The following TRAPPC13 variants were observed in gnomAD, a reference collection of about 807,000 sequenced individuals.
TRAPPC13 encodes the protein trafficking protein particle complex subunit 13, also known as REV7-interacting novel NHEJ regulator 1.
TRAPPC13 carries 39 observed loss-of-function variants against 54.0 expected under a neutral mutation model. The observed-to-expected ratio is 0.72, with a 90% CI of 0.56 to 0.94. The LOEUF (loss-of-function observed/expected upper bound fraction) is 0.94. Ranked by LOEUF, TRAPPC13 falls within the 40% of genes least tolerant of loss-of-function variation. The pLI is 0.00. For synonymous variants in TRAPPC13, 148 were observed against 167.7 expected (o/e 0.88, Z 0.91); for missense variants, 386 against 488.1 (o/e 0.79, Z 1.97).
In TRAPPC13 at chr5:65,652,487, C is replaced by T. The variant is rs779534399; in HGVS notation, c.502-14C>T. The T allele has an allele frequency of 3.2e-6, 5 of 1,582,188 alleles. No homozygotes were observed. The South Asian group carries it at 5.6e-5, about 18-fold the overall frequency. On this transcript the variant is annotated splice_polypyrimidine_tract_variant and intron_variant, in intron 6 of 12. Coordinates refer to ENST00000399438, the MANE Select transcript of TRAPPC13 (RefSeq NM_024941.4). ...TGATAACAATCTCCTGATTGATATG[C>T]TTTATTTAACCAGGTTCTCAAACCA... is the stretch of plus-strand genomic sequence containing the variant.
At chr5:65,642,524 A>G (rs1388367591) in intron 4 of TRAPPC13, among the ~76,000 whole-genome samples, 4 of 151,722 alleles carry the variant, frequency 2.6e-5, no homozygotes, top group Non-Finnish European at 5.9e-5. Context: ...GCTTCTGTTT[A>G]TTTACTTTAT....
Position 65,625,044 on chromosome 5 carries a change from C to T in TRAPPC13, c.-17C>T. The T allele has an allele frequency of 6.8e-6, 11 of 1,612,654 alleles. No individual in the cohort carries two copies. The highest frequency in any genetic ancestry group is 2.2e-5 in the East Asian group (1 of 44,880). ...TGTCCAGCCCCCGTAGGCTGTGGGT[C>T]AAAAGTGCCGGTCAAAATGGAAGTG... On this transcript the variant is annotated 5_prime_UTR_variant, in exon 1 of 13. Transcript: ENST00000399438.
chr5:65,663,706 AT>A (rs1756920197), intron 11 of TRAPPC13: 1 of 152,336 alleles, frequency 6.6e-6, no homozygotes, highest in Non-Finnish European at 1.5e-5. Context: ...GATATCTATT[AT>A]AAGCAGAAGT....
chr5:65,635,675 CT>C (rs1181608542), intron 2 of TRAPPC13, among the ~76,000 whole-genome samples: 2 of 150,224 alleles, frequency 1.3e-5, no homozygotes, highest in Admixed American at 6.6e-5. Context: ...TTAGCATTCC[CT>C]TTTTTTTTTA....
intron 6 of TRAPPC13, among the ~76,000 whole-genome samples, 200 bp downstream of exon 6, chr5:65,651,082 A>T (rs905128383): frequency 2.6e-5 from 4 of 152,214 alleles, no homozygotes; most frequent in African/African-American, 9.6e-5. Flanking sequence ...CATTGCCAAC[A>T]TGTTTTTGTA....
At chr5:65,663,007 C>T (rs545617756) in intron 11 of TRAPPC13, 2 of 152,208 alleles carry the variant, frequency 1.3e-5, no homozygotes, top group South Asian at 2.1e-4. Flanking sequence ...TAGTCTCTTT[C>T]TCACTGGACT....
intron 8 of TRAPPC13, among the ~76,000 whole-genome samples, chr5:65,656,341 A>T (rs1404035704): frequency 1.3e-5 from 2 of 152,044 alleles, no homozygotes; most frequent in African/African-American, 2.4e-5. Context: ...TTTATGCAGA[A>T]AATTGCAGTT....
chr5:65,639,664 T>C (rs1755892731), intron 4 of TRAPPC13, among the ~76,000 whole-genome samples: 1 of 152,122 alleles, frequency 6.6e-6, no homozygotes, highest in Non-Finnish European at 1.5e-5. Flanking sequence ...TGAAAAAAAT[T>C]AAATAAAAAA....
intron 5 of TRAPPC13, among the ~76,000 whole-genome samples, chr5:65,649,541 C>G (rs1430061135): frequency 6.6e-6 from 1 of 152,084 alleles, no homozygotes; most frequent in Non-Finnish European, 1.5e-5. Flanking sequence ...AAAATATTAC[C>G]TCATTATTTT....
At chr5:65,629,153 T>G (rs1406277371) in intron 1 of TRAPPC13, among the ~76,000 whole-genome samples, 1 of 152,220 alleles carries the variant, frequency 6.6e-6, no homozygotes, top group Non-Finnish European at 1.5e-5. Context: ...TTGTTTCTGC[T>G]AAAGTTTTAA....
intron 4 of TRAPPC13, among the ~76,000 whole-genome samples, chr5:65,638,940 C>T (rs1240183941): frequency 6.6e-6 from 1 of 152,098 alleles, no homozygotes; most frequent in Non-Finnish European, 1.5e-5. Context: ...AGAAATTAGC[C>T]AGGAGTGGTG....
In TRAPPC13 at chr5:65,627,794, T is replaced by G. The variant is rs185843019; in HGVS notation, c.46+2688T>G. On this transcript the variant is annotated intron_variant, in intron 1 of 12. Coordinates refer to ENST00000399438, the MANE Select transcript of TRAPPC13 (RefSeq NM_024941.4). ...TATATGATAACATTTAGATCCATAT[T>G]TAAAATATGGATGTTAAAGATCACA... Among the ~76,000 whole-genome samples, 362 of 152,336 alleles carry G rather than the reference T, an allele frequency of 2.4e-3. 2 individuals carry two copies. Among genetic ancestry groups the G allele is most frequent in the African/African-American group, 8.4e-3 (348 of 41,576 alleles).
chr5:65,664,803 AT>A lies in TRAPPC13; in HGVS notation c.*193del. The A allele has an allele frequency of 1.7e-6, 1 of 581,984 alleles. No individual in the cohort carries two copies. 36.1% of individuals were successfully genotyped at this position (581,984 alleles called of 1,614,324 possible). A position where few individuals can be genotyped will look rare whatever the true frequency, so the allele number is the denominator to read the frequency against. On this transcript the variant is annotated 3_prime_UTR_variant, in exon 13 of 13. Coordinates refer to ENST00000399438, the MANE Select transcript of TRAPPC13 (RefSeq NM_024941.4). Reference sequence around the variant, plus strand: ...CTTGTAATTTATATTTGAAATGAACATGTGTATATTTTCTACACCTATTATT... The same window carrying A: ...CTTGTAATTTATATTTGAAATGAACAGTGTATATTTTCTACACCTATTATT...
chr5:65,660,689 C>A lies in TRAPPC13; in HGVS notation c.699-10C>A, dbSNP rs1299660101. ...AGAATTTTCTCCGTCTCTGTCTCCACCCCTCTCAGTGTGTCTACGTTTGGG... is the reference window on the plus strand; with the variant it reads ...AGAATTTTCTCCGTCTCTGTCTCCAACCCTCTCAGTGTGTCTACGTTTGGG... On this transcript the variant is annotated splice_polypyrimidine_tract_variant and intron_variant, in intron 9 of 12. Coordinates refer to ENST00000399438, the MANE Select transcript of TRAPPC13 (RefSeq NM_024941.4). The A allele has an allele frequency of 6.4e-7, 1 of 1,568,840 alleles. No homozygotes were observed. Among genetic ancestry groups the A allele is most frequent in the Non-Finnish European group, 8.6e-7 (1 of 1,159,420 alleles).
intron 4 of TRAPPC13, among the ~76,000 whole-genome samples, chr5:65,646,330 CTT>C (rs973776928): frequency 5.3e-5 from 8 of 152,266 alleles, no homozygotes; most frequent in East Asian, 3.9e-4. Context: ...TTCTAGTTCT[CTT>C]ATAAACGAAT....
chr5:65,643,557 G>A (rs942811359), intron 4 of TRAPPC13, among the ~76,000 whole-genome samples: 1 of 151,992 alleles, frequency 6.6e-6, no homozygotes, highest in Non-Finnish European at 1.5e-5. Flanking sequence ...GGTGGCTCAT[G>A]CCTGTAATCC....
At chr5:65,649,044 C>A (rs1452156944) in intron 5 of TRAPPC13, among the ~76,000 whole-genome samples, 1 of 151,876 alleles carries the variant, frequency 6.6e-6, no homozygotes, top group African/African-American at 2.4e-5. Context: ...GATGAAATCC[C>A]ATCTTTACAA....
intron 4 of TRAPPC13, among the ~76,000 whole-genome samples, chr5:65,643,222 G>A (rs193012886): frequency 5.3e-5 from 8 of 151,350 alleles, no homozygotes; most frequent in South Asian, 2.1e-4. Context: ...TCCAATCAGC[G>A]TTGTTCTTGT....
chr5:65,658,235 A>G (rs1392097404), intron 8 of TRAPPC13, 133 bp from the exon 9 acceptor site: 1 of 796,906 alleles, frequency 1.3e-6, no homozygotes, highest in Non-Finnish European at 1.8e-6. Flanking sequence ...TAATTGTGGT[A>G]ACTTTGATTT....
Sources: gnomAD v4.1 joint callset for allele counts (sites outside exome capture counted in the v4.1 genomes callset) on GRCh38, gnomAD v4.1.1 for gene constraint, MANE v1.5 for transcripts, NCBI Gene and HGNC (gene_info 2026-07-23, HGNC 2026-07-21) for gene names.